Variants in NEK1 observed in about 807,000 individuals in gnomAD.
NEK1 encodes NIMA related kinase 1, also known as serine/threonine-protein kinase Nek1.
A neutral mutation model predicts 182.1 loss-of-function variants in NEK1; 137 were observed. The observed-to-expected ratio is 0.75, with a 90% CI of 0.65 to 0.87. NEK1 has a LOEUF of 0.87. NEK1 is among the 40% of genes least tolerant of loss of function. The pLI, the probability that NEK1 is intolerant of heterozygous loss-of-function variation, is 0.00. For synonymous variants in NEK1, 513 were observed against 492.2 expected, an observed-to-expected ratio of 1.04 and a Z score of -0.56; for missense variants, 1,391 against 1,494.4, an observed-to-expected ratio of 0.93 and a Z score of 1.14.
chr4:169,469,612 A>G (rs1246007092), intron 26 of NEK1, among the ~76,000 whole-genome samples: 12 of 152,120 alleles, frequency 7.9e-5, no homozygotes. Flanking sequence ...TGGGGTGGAG[A>G]GTTCTGTAGA....
At chr4:169,484,007 T>C (rs974403937) in intron 23 of NEK1, among the ~76,000 whole-genome samples, 1 of 152,160 alleles carries the variant, frequency 6.6e-6, no homozygotes, top group Non-Finnish European at 1.5e-5. Context: ...TAAATTCAAA[T>C]AAGGTTTCAT....
chr4:169,493,917 A>G (rs1299667047), intron 23 of NEK1, among the ~76,000 whole-genome samples: 1 of 152,210 alleles, frequency 6.6e-6, no homozygotes, highest in East Asian at 1.9e-4. Flanking sequence ...AGAGGTTGAT[A>G]TGCAGACACA....
At chr4:169,559,205 GCA>G (rs1762557943) in intron 16 of NEK1, among the ~76,000 whole-genome samples, 1 of 152,112 alleles carries the variant, frequency 6.6e-6, no homozygotes, top group Non-Finnish European at 1.5e-5. Flanking sequence ...ATAGGAAAAA[GCA>G]CTTTATTACA....
At chr4:169,446,225 T>C (rs1270718720) in intron 27 of NEK1, among the ~76,000 whole-genome samples, 1 of 149,942 alleles carries the variant, frequency 6.7e-6, no homozygotes, top group Non-Finnish European at 1.5e-5. Context: ...AAACAGACAC[T>C]AAAAAAATCA....
intron 26 of NEK1, among the ~76,000 whole-genome samples, chr4:169,465,324 C>T (rs1261888025): frequency 6.6e-6 from 1 of 152,000 alleles, no homozygotes; most frequent in Non-Finnish European, 1.5e-5. Context: ...CCTGTCCCCC[C>T]CACCACTGGA....
chr4:169,489,319 G>A (rs1201706560), intron 23 of NEK1, among the ~76,000 whole-genome samples: 1 of 152,142 alleles, frequency 6.6e-6, no homozygotes, highest in Non-Finnish European at 1.5e-5. Flanking sequence ...AGCCAGGCAA[G>A]GAGGGTGGTG....
chr4:169,574,415 G>T (rs929667506), intron 12 of NEK1, among the ~76,000 whole-genome samples: 3 of 151,962 alleles, frequency 2.0e-5, no homozygotes, highest in Non-Finnish European at 4.4e-5. Flanking sequence ...CTAACATGGT[G>T]AAACCCCGTC....
chr4:169,583,909 A>G (rs1767094487), intron 10 of NEK1, among the ~76,000 whole-genome samples: 1 of 152,176 alleles, frequency 6.6e-6, no homozygotes, highest in Non-Finnish European at 1.5e-5. Flanking sequence ...TTTTCTGAAG[A>G]GTATTTGGTC....
intron 35 of NEK1, 112 bp downstream of exon 35, chr4:169,400,113 T>C (rs1731400374): frequency 1.9e-6 from 2 of 1,028,092 alleles, no homozygotes; most frequent in Non-Finnish European, 3.0e-6. Flanking sequence ...AGTTATATAG[T>C]TCCCAAGTAG....
intron 12 of NEK1, among the ~76,000 whole-genome samples, chr4:169,562,447 G>A (rs1368494484): frequency 6.6e-6 from 1 of 151,992 alleles, no homozygotes; most frequent in East Asian, 1.9e-4. Context: ...TTGTGTTCAG[G>A]TATGGATGTT....
chr4:169,429,872 T>C (rs1407536008), intron 29 of NEK1, among the ~76,000 whole-genome samples: 1 of 152,176 alleles, frequency 6.6e-6, no homozygotes, highest in Non-Finnish European at 1.5e-5. Flanking sequence ...CTTTATAAAT[T>C]CTGGATATTA....
chr4:169,601,857 A>G, intron 4 of NEK1, 151 bp downstream of exon 4: 1 of 570,278 alleles, frequency 1.8e-6, no homozygotes. Flanking sequence ...AAAAAAATGC[A>G]GGCATGATAT....
At chr4:169,503,167 C>T (rs1212056303) in intron 23 of NEK1, among the ~76,000 whole-genome samples, 1 of 151,882 alleles carries the variant, frequency 6.6e-6, no homozygotes, top group Non-Finnish European at 1.5e-5. Context: ...ATACATTTAC[C>T]CAAGGAGGTG....
rs867312671 is a variant in NEK1, at chr4:169,494,549, A to C, written c.2007+12488T>G. The stretch of plus-strand genomic sequence containing the variant: ...TCTTTGCTATTGTGAATAGTGCCGC[A>C]ATAAACATACGTGTGCTTGTGTCTT... On this transcript the variant is annotated intron_variant, in intron 23 of 35. Coordinates refer to ENST00000507142, the MANE Select transcript of NEK1 (RefSeq NM_001199397.3). 2.0e-5 allele frequency among the ~76,000 whole-genome samples: 3 copies of C among 152,304 alleles called. 1 individual carries two copies. The South Asian group carries it at 6.2e-4, about 32-fold the overall frequency.
chr4:169,496,179 T>C (rs1200186531), intron 23 of NEK1, among the ~76,000 whole-genome samples: 1 of 152,082 alleles, frequency 6.6e-6, no homozygotes, highest in Non-Finnish European at 1.5e-5. Context: ...TGAATGGGAG[T>C]TCACTCATGA....
intron 31 of NEK1, among the ~76,000 whole-genome samples, chr4:169,413,985 G>C (rs4283618): frequency 0.81 from 122,551 of 152,166 alleles, 50,822 homozygotes; most frequent in South Asian, 0.92. Context: ...CCACTGCACT[G>C]CAGCCTGGGT....
chr4:169,414,583 T>C (rs1054371335), intron 31 of NEK1, among the ~76,000 whole-genome samples: 1 of 152,210 alleles, frequency 6.6e-6, no homozygotes, highest in Admixed American at 6.5e-5. Flanking sequence ...TTAAACACTT[T>C]CCAGGCTGCA....
intron 12 of NEK1, among the ~76,000 whole-genome samples, chr4:169,566,649 A>C (rs1763726972): frequency 6.6e-6 from 1 of 152,234 alleles, no homozygotes; most frequent in Non-Finnish European, 1.5e-5. Context: ...ACATTAGCTT[A>C]AATTTGTGCA....
intron 31 of NEK1, among the ~76,000 whole-genome samples, chr4:169,418,385 A>C (rs1734894238): frequency 6.6e-6 from 1 of 152,248 alleles, no homozygotes; most frequent in Non-Finnish European, 1.5e-5. Flanking sequence ...TCCACCTTCA[A>C]ATAAAGAATT....
Sources: gnomAD v4.1 joint callset for allele counts (sites outside exome capture counted in the v4.1 genomes callset) on GRCh38, gnomAD v4.1.1 for gene constraint, MANE v1.5 for transcripts, NCBI Gene and HGNC (gene_info 2026-07-23, HGNC 2026-07-21) for gene names.